The following PDIA5 variants were observed in gnomAD, a reference collection of about 807,000 sequenced individuals.
The protein encoded by PDIA5 is protein disulfide-isomerase A5.
PDIA5 carries 58 observed loss-of-function variants against 77.6 expected under a neutral mutation model. The observed-to-expected ratio is 0.75, with a 90% CI of 0.61 to 0.93. The LOEUF (loss-of-function observed/expected upper bound fraction) is 0.93, where lower values mean the gene tolerates loss of function less well. PDIA5 is among the 40% of genes least tolerant of loss of function. The pLI, the probability that PDIA5 is intolerant of heterozygous loss-of-function variation, is 0.00. For missense variants in PDIA5, 630 were observed against 647.7 expected, an observed-to-expected ratio of 0.97 and a Z score of 0.30; for synonymous variants, 250 against 252.1, an observed-to-expected ratio of 0.99 and a Z score of 0.08.
intron 1 of PDIA5, among the ~76,000 whole-genome samples, chr3:123,079,091 A>T (rs1933925505): frequency 6.6e-6 from 1 of 150,768 alleles, no homozygotes; most frequent in South Asian, 2.1e-4. Flanking sequence ...AAGAATAAAT[A>T]TTACCGAGGG....
intron 15 of PDIA5, among the ~76,000 whole-genome samples, chr3:123,156,450 G>A (rs1034567651): frequency 6.6e-6 from 1 of 152,212 alleles, no homozygotes; most frequent in Admixed American, 6.5e-5. Context: ...TCCTTCCCGT[G>A]TCCATGTCCC....
chr3:123,112,978 T>C (rs1454972714), intron 7 of PDIA5, among the ~76,000 whole-genome samples: 3 of 152,234 alleles, frequency 2.0e-5, no homozygotes. Context: ...TCACTTGCTG[T>C]AGATCCAGCT....
intron 7 of PDIA5, among the ~76,000 whole-genome samples, chr3:123,115,510 T>C (rs971632229): frequency 6.6e-6 from 1 of 152,164 alleles, no homozygotes; most frequent in South Asian, 2.1e-4. Flanking sequence ...TCCTTTGCTG[T>C]CAGAGCTGGA....
chr3:123,110,881 AG>A (rs1487830986), intron 6 of PDIA5, 62 bp from the exon 7 acceptor site: 35 of 1,286,918 alleles, frequency 2.7e-5, no homozygotes, highest in Non-Finnish European at 3.9e-5. Context: ...AGGGGCGGGG[AG>A]GGGGTCTCAT....
chr3:123,150,566 G>A (rs910312264), intron 14 of PDIA5, among the ~76,000 whole-genome samples: 4 of 152,018 alleles, frequency 2.6e-5, no homozygotes, highest in African/African-American at 4.8e-5. Flanking sequence ...CAGACTCGTC[G>A]GGCTCTCCTT....
intron 8 of PDIA5, among the ~76,000 whole-genome samples, chr3:123,119,716 T>TA (rs1033037211): frequency 1.7e-4 from 26 of 152,358 alleles, no homozygotes; most frequent in African/African-American, 5.8e-4. Context: ...GTGGGACTAA[T>TA]AAATGGGCTG....
At chr3:123,067,988 C>T (rs1347725427) in intron 1 of PDIA5, among the ~76,000 whole-genome samples, 1 of 152,154 alleles carries the variant, frequency 6.6e-6, no homozygotes, top group Non-Finnish European at 1.5e-5. Context: ...GAGTAGTTTG[C>T]TACACTTGGT....
intron 10 of PDIA5, among the ~76,000 whole-genome samples, chr3:123,129,834 T>A (rs1385126738): frequency 1.3e-5 from 2 of 152,162 alleles, no homozygotes; most frequent in African/African-American, 2.4e-5. Context: ...CTGGGAGAAC[T>A]AAATAAGTTG....
chr3:123,151,231 C>T (rs1394062900), intron 14 of PDIA5, among the ~76,000 whole-genome samples: 1 of 152,268 alleles, frequency 6.6e-6, no homozygotes, highest in African/African-American at 2.4e-5. Flanking sequence ...CTCTTTCTGC[C>T]TTTCCTTCTC....
chr3:123,128,586 C>T (rs1293949629), intron 10 of PDIA5, among the ~76,000 whole-genome samples: 1 of 152,216 alleles, frequency 6.6e-6, no homozygotes, highest in African/African-American at 2.4e-5. Flanking sequence ...TAGCTCACTG[C>T]AGCTTTGAAC....
chr3:123,110,052 G>A (rs1290069475), intron 6 of PDIA5, among the ~76,000 whole-genome samples: 1 of 152,154 alleles, frequency 6.6e-6, no homozygotes, highest in East Asian at 1.9e-4. Flanking sequence ...TGTAAAATGT[G>A]GTTGAGCAGC....
chr3:123,146,307 C>G lies in PDIA5; in HGVS notation c.1142+48C>G, dbSNP rs772858152. 2.6e-6 allele frequency: 4 copies of G among 1,514,182 alleles called. No homozygotes were observed. The African/African-American group carries it at 5.5e-5, about 21-fold the overall frequency. 93.8% of individuals were successfully genotyped at this position (1,514,182 alleles called of 1,614,324 possible). A position where few individuals can be genotyped will look rare whatever the true frequency, so the allele number is the denominator to read the frequency against. ...CACATCCTAACTGCCAGCTGGCGGC[C>G]CCTGGAGACCACCTTGAGGAGGTGA... On this transcript the variant is annotated intron_variant, in intron 13 of 16. Transcript: ENST00000316218.
chr3:123,129,995 C>A (rs946381001), intron 10 of PDIA5, among the ~76,000 whole-genome samples: 4 of 152,166 alleles, frequency 2.6e-5, no homozygotes, highest in African/African-American at 9.7e-5. Context: ...TTCTGAGATA[C>A]CTGGCCTCTC....
At chr3:123,107,059 A>C (rs1332361563) in intron 6 of PDIA5, among the ~76,000 whole-genome samples, 1 of 152,176 alleles carries the variant, frequency 6.6e-6, no homozygotes, top group Non-Finnish European at 1.5e-5. Context: ...AATTTTCTCC[A>C]TTCTTCACCT....
chr3:123,160,093 G>A lies in PDIA5; in HGVS notation c.1345-1228G>A, dbSNP rs149797500. Among the ~76,000 whole-genome samples, 657 of 152,258 alleles carry A rather than the reference G, an allele frequency of 4.3e-3. 4 individuals are homozygous for A. Among genetic ancestry groups the A allele is most frequent in the Middle Eastern group, 0.01 (3 of 294 alleles). ...TCATACAGCAGACGCTTGATAACTG[G>A]ACTTTGTCAAGGTCGACGTTGTCCC... On this transcript the variant is annotated intron_variant, in intron 15 of 16. Coordinates refer to ENST00000316218, the MANE Select transcript of PDIA5 (RefSeq NM_006810.4).
At chr3:123,071,483 A>G (rs1576429376) in intron 1 of PDIA5, among the ~76,000 whole-genome samples, 1 of 152,274 alleles carries the variant, frequency 6.6e-6, no homozygotes, top group East Asian at 1.9e-4. Flanking sequence ...CTCTGGGACG[A>G]TTATATATTT....
intron 14 of PDIA5, 92 bp downstream of exon 14, chr3:123,150,456 G>A: frequency 7.9e-7 from 1 of 1,266,144 alleles, no homozygotes; most frequent in Non-Finnish European, 1.1e-6. Flanking sequence ...CAGGGACCAA[G>A]GCAGCCGCTG....
intron 11 of PDIA5, among the ~76,000 whole-genome samples, chr3:123,133,589 G>A (rs1218380342): frequency 6.6e-6 from 1 of 152,230 alleles, no homozygotes; most frequent in Non-Finnish European, 1.5e-5. Flanking sequence ...GCTACCCTGA[G>A]GGGAAGCATC....
intron 3 of PDIA5, among the ~76,000 whole-genome samples, chr3:123,101,608 G>A (rs58627908): frequency 2.0e-5 from 3 of 152,256 alleles, no homozygotes; most frequent in African/African-American, 7.2e-5. Flanking sequence ...CCTTGGTCAC[G>A]TAGTATATAG....
Sources: allele counts gnomAD v4.1 joint callset (sites outside exome capture counted in the v4.1 genomes callset), GRCh38; gene constraint gnomAD v4.1.1; transcripts MANE v1.5; gene names NCBI Gene and HGNC (gene_info 2026-07-23, HGNC 2026-07-21).